RMDN2: variants seen among roughly 807,000 people sequenced by gnomAD.
RMDN2 encodes regulator of microtubule dynamics 2, also known as regulator of microtubule dynamics protein 2.
In RMDN2, 61 loss-of-function variants were observed where a neutral mutation model predicts 52.8. The observed-to-expected ratio is 1.16, with a 90% CI of 0.94 to 1.43. The LOEUF is 1.43. RMDN2 is among the 40% of genes most tolerant of loss of function. The probability of loss-of-function intolerance (pLI) is 0.00; values close to 1 mark genes in which losing one functional copy is unlikely to be tolerated. For synonymous variants in RMDN2, 180 were observed against 153.1 expected (o/e 1.18, Z -1.30); for missense variants, 592 against 475.3 (o/e 1.25, Z -2.28).
chr2:37,933,788 A>G (rs151015118), intron 2 of RMDN2, among the ~76,000 whole-genome samples: 5 of 127,938 alleles, frequency 3.9e-5, no homozygotes, highest in Admixed American at 3.6e-4. Context: ...GAGACCGTGG[A>G]AAGGGGAGAG....
At chr2:38,054,192 C>G (rs924169059) in intron 10 of RMDN2, among the ~76,000 whole-genome samples, 4 of 152,008 alleles carry the variant, frequency 2.6e-5, no homozygotes, top group African/African-American at 9.7e-5. Flanking sequence ...TTGTTTTATG[C>G]GTATTATTCC....
At chr2:37,986,374 A>T (rs776489038) in intron 5 of RMDN2, among the ~76,000 whole-genome samples, 2 of 152,206 alleles carry the variant, frequency 1.3e-5, no homozygotes, top group Non-Finnish European at 2.9e-5. Context: ...TCTACCAAAT[A>T]CTTAAGGAGA....
At chr2:38,039,047 TACACACACACACACACACAC>T (rs71414270) in intron 10 of RMDN2, among the ~76,000 whole-genome samples, 22 of 127,384 alleles carry the variant, frequency 1.7e-4, no homozygotes, top group South Asian at 2.5e-4. Context: ...CCAGATGCTA[TACACACACACACACACACAC>T]ACACACACAC....
chr2:37,973,001 G>C (rs997692557), intron 2 of RMDN2, among the ~76,000 whole-genome samples: 1 of 152,190 alleles, frequency 6.6e-6, no homozygotes, highest in African/African-American at 2.4e-5. Flanking sequence ...TATCTAACGG[G>C]AGCTGCAAGT....
At chr2:37,973,953 G>A (rs921741615) in intron 2 of RMDN2, 87 bp from the exon 3 acceptor site, 6 of 1,035,934 alleles carry the variant, frequency 5.8e-6, no homozygotes, top group African/African-American at 3.3e-5. Flanking sequence ...CATAAGAGGG[G>A]CATGATTTGA....
chr2:37,949,912 C>G lies in RMDN2; in HGVS notation c.452+20183C>G, dbSNP rs117031682. ...TGCATTTAGGTGAGTATCAGTTGTT[C>G]TGAGGAGTGATAAATAGTGCCACAG... is the stretch of plus-strand genomic sequence containing the variant. On this transcript the variant is annotated intron_variant, in intron 2 of 10. Coordinates refer to ENST00000354545, the MANE Select transcript of RMDN2 (RefSeq NM_001170791.3). The G allele has an allele frequency of 2.6e-3, 410 of 157,246 alleles. 1 individual carries two copies. Among genetic ancestry groups the G allele is most frequent in the South Asian group, 5.8e-3 (31 of 5,308 alleles). The allele number at this position is 157,246 out of a possible 1,614,324, so 9.7% of individuals were successfully genotyped here.
chr2:37,998,545 G>A (rs563615476), intron 8 of RMDN2, among the ~76,000 whole-genome samples: 12 of 152,044 alleles, frequency 7.9e-5, no homozygotes, highest in African/African-American at 2.4e-4. Flanking sequence ...AATAATAAAC[G>A]TCTTGTACAT....
At chr2:37,985,129 T>C (rs1158266953) in intron 5 of RMDN2, among the ~76,000 whole-genome samples, 1 of 152,204 alleles carries the variant, frequency 6.6e-6, no homozygotes, top group Non-Finnish European at 1.5e-5. Flanking sequence ...GGGTTTTTTT[T>C]CCCTTGACTC....
rs1168498400 is a variant in RMDN2 at position 37,932,823 on chromosome 2, CCCGA to C, written c.452+3097_452+3100del. Among the ~76,000 whole-genome samples the C allele has an allele frequency of 2.3e-5, 3 of 130,062 alleles. 1 individual carries two copies. The highest frequency in any genetic ancestry group is 8.5e-5 in the African/African-American group (3 of 35,380). 85.3% of individuals were successfully genotyped at this position (130,062 alleles called of 152,430 possible). A position where few individuals can be genotyped will look rare whatever the true frequency, so the allele number is the denominator to read the frequency against. On this transcript the variant is annotated intron_variant, in intron 2 of 10. Transcript: ENST00000354545. ...GGCTGGCTGGGCGGGGGGCTGACCC[CCCGA>C]CCTCCCTCCCGGACGGGGCGGCTGG...
intron 2 of RMDN2, among the ~76,000 whole-genome samples, chr2:37,946,804 G>A (rs1342189690): frequency 6.6e-6 from 1 of 152,090 alleles, no homozygotes; most frequent in Non-Finnish European, 1.5e-5. Context: ...TTTAGGGTGA[G>A]CTTCATAGAG....
intron 10 of RMDN2, among the ~76,000 whole-genome samples, chr2:38,023,505 G>A (rs1679545799): frequency 2.0e-5 from 3 of 151,690 alleles, no homozygotes; most frequent in African/African-American, 7.3e-5. Flanking sequence ...TTTTTCATAT[G>A]CCCGCCTTTT....
At chr2:37,998,952 A>T (rs112542507) in intron 8 of RMDN2, among the ~76,000 whole-genome samples, 75 of 152,196 alleles carry the variant, frequency 4.9e-4, no homozygotes, top group Non-Finnish European at 9.7e-4. Context: ...CCCTCTTTTT[A>T]AATTGTATAA....
At chr2:37,946,440 G>A (rs959220175) in intron 2 of RMDN2, among the ~76,000 whole-genome samples, 3 of 152,254 alleles carry the variant, frequency 2.0e-5, no homozygotes, top group East Asian at 1.9e-4. Flanking sequence ...ATCAATTTAC[G>A]TGTCTTAGGA....
chr2:37,939,332 A>C (rs751271164), intron 2 of RMDN2, among the ~76,000 whole-genome samples: 68 of 152,190 alleles, frequency 4.5e-4, no homozygotes, highest in Non-Finnish European at 7.9e-4. Context: ...ATTTTGGAAT[A>C]AGTGCGGTGT....
At chr2:38,058,591 C>A (rs945194702) in intron 10 of RMDN2, among the ~76,000 whole-genome samples, 3 of 152,200 alleles carry the variant, frequency 2.0e-5, no homozygotes, top group Non-Finnish European at 4.4e-5. Context: ...ACATAAGGAA[C>A]CATAGCTTTG....
intron 2 of RMDN2, among the ~76,000 whole-genome samples, chr2:37,935,367 A>T (rs533477645): frequency 6.6e-6 from 1 of 152,290 alleles, no homozygotes; most frequent in African/African-American, 2.4e-5. Flanking sequence ...TTGTGTTTTT[A>T]CTCTTAACAT....
At chr2:38,041,603 A>T (rs1202316470) in intron 10 of RMDN2, among the ~76,000 whole-genome samples, 1 of 151,988 alleles carries the variant, frequency 6.6e-6, no homozygotes, top group Non-Finnish European at 1.5e-5. Context: ...CTTTATCAAG[A>T]TGAGAAAATT....
intron 2 of RMDN2, 93 bp from the exon 3 acceptor site, chr2:37,973,947 A>C: frequency 1.0e-6 from 1 of 996,088 alleles, no homozygotes; most frequent in Non-Finnish European, 1.5e-6. Context: ...TTCAAGCATA[A>C]GAGGGGCATG....
intron 10 of RMDN2, among the ~76,000 whole-genome samples, chr2:38,063,040 C>T (rs1195164871): frequency 6.6e-6 from 1 of 152,056 alleles, no homozygotes; most frequent in Non-Finnish European, 1.5e-5. Context: ...GGGTTGGTTC[C>T]AAGTCTTTGC....
Sources: gnomAD v4.1 joint callset for allele counts (sites outside exome capture counted in the v4.1 genomes callset) on GRCh38, gnomAD v4.1.1 for gene constraint, MANE v1.5 for transcripts, NCBI Gene and HGNC (gene_info 2026-07-23, HGNC 2026-07-21) for gene names.